KCNQ5: variants seen among roughly 807,000 people sequenced by gnomAD.
The protein encoded by KCNQ5 is potassium voltage-gated channel subfamily KQT member 5.
Under a neutral mutation model 98.2 loss-of-function variants are expected in KCNQ5, and 30 were observed. The observed-to-expected ratio is 0.31, with a 90% CI of 0.23 to 0.41. KCNQ5 has a LOEUF of 0.41. Among genes scored for constraint, KCNQ5 ranks in the 10% least tolerant of loss-of-function variants. The pLI is 1.00. For missense variants in KCNQ5, 835 were observed against 1,182.5 expected, an observed-to-expected ratio of 0.71 and a Z score of 4.31; for synonymous variants, 458 against 449.4, an observed-to-expected ratio of 1.02 and a Z score of -0.24.
At chr6:72,763,138 T>C (rs924081571) in intron 1 of KCNQ5, among the ~76,000 whole-genome samples, 2 of 152,028 alleles carry the variant, frequency 1.3e-5, no homozygotes, top group African/African-American at 2.4e-5. Flanking sequence ...TTCACTTTCA[T>C]ATAAAGATAT....
chr6:72,804,007 T>C lies in KCNQ5; in HGVS notation c.398+181420T>C, dbSNP rs565426453. The stretch of plus-strand genomic sequence containing the variant: ...ATATAGATTGATATAAACTTGTGCA[T>C]TTATATAAACTTACATGTCACCATT... On this transcript the variant is annotated intron_variant, in intron 1 of 13. Transcript: ENST00000370398. Among the ~76,000 whole-genome samples, 319 of 152,240 alleles carry C rather than the reference T, an allele frequency of 2.1e-3. 3 individuals are homozygous for C. The highest frequency in any genetic ancestry group is 7.4e-3 in the African/African-American group (306 of 41,568).
Position 72,721,640 on chromosome 6 carries a change from C to T in KCNQ5, c.398+99053C>T, listed in dbSNP as rs56197327. On this transcript the variant is annotated intron_variant, in intron 1 of 13. Coordinates refer to ENST00000370398, the MANE Select transcript of KCNQ5 (RefSeq NM_019842.4). The stretch of plus-strand genomic sequence containing the variant: ...TCACAGATCCAGTGATGAAGAGGCC[C>T]AGGAACCTCTGTGTTATAACAAACA... Among the ~76,000 whole-genome samples, 985 of 152,210 alleles carry T rather than the reference C, an allele frequency of 6.5e-3. 9 individuals carry two copies. The highest frequency in any genetic ancestry group is 0.022 in the African/African-American group (929 of 41,522).
At chr6:73,085,837 G>A (rs990415772) in intron 5 of KCNQ5, among the ~76,000 whole-genome samples, 54 of 152,308 alleles carry the variant, frequency 3.5e-4, no homozygotes, top group African/African-American at 1.3e-3. Flanking sequence ...TGAGCACTGG[G>A]CCGAGCAAAT....
chr6:72,730,070 T>C (rs1207465380), intron 1 of KCNQ5, among the ~76,000 whole-genome samples: 51 of 152,100 alleles, frequency 3.4e-4, no homozygotes, highest in Non-Finnish European at 2.6e-4. Flanking sequence ...GGTGGAACGA[T>C]CACTTGAGCT....
At chr6:72,964,195 G>A (rs1335537874) in intron 1 of KCNQ5, among the ~76,000 whole-genome samples, 5 of 152,148 alleles carry the variant, frequency 3.3e-5, no homozygotes, top group South Asian at 2.1e-4. Flanking sequence ...CTCAGTAAAC[G>A]TAATTGTGCC....
intron 1 of KCNQ5, among the ~76,000 whole-genome samples, chr6:73,002,351 A>G (rs1054645474): frequency 6.6e-5 from 10 of 152,158 alleles, no homozygotes; most frequent in African/African-American, 2.4e-4. Context: ...GGCTTAGACT[A>G]CACAGTGCTT....
intron 7 of KCNQ5, among the ~76,000 whole-genome samples, chr6:73,119,471 A>G (rs1187404606): frequency 6.6e-6 from 1 of 152,246 alleles, no homozygotes; most frequent in South Asian, 2.1e-4. Flanking sequence ...AAATGGAGAG[A>G]GTTGATGTTT....
At chr6:72,882,345 G>A (rs942960127) in intron 1 of KCNQ5, among the ~76,000 whole-genome samples, 2 of 152,196 alleles carry the variant, frequency 1.3e-5, no homozygotes, top group Non-Finnish European at 1.5e-5. Context: ...GATGTGGGTG[G>A]TTCTAAGATT....
At chr6:72,893,642 C>T (rs933471207) in intron 1 of KCNQ5, among the ~76,000 whole-genome samples, 1 of 152,190 alleles carries the variant, frequency 6.6e-6, no homozygotes, top group African/African-American at 2.4e-5. Flanking sequence ...AATTTGTTCT[C>T]CTGGTAATAA....
intron 2 of KCNQ5, among the ~76,000 whole-genome samples, chr6:73,015,229 A>T (rs1231191699): frequency 1.3e-5 from 2 of 152,116 alleles, no homozygotes; most frequent in Non-Finnish European, 2.9e-5. Context: ...CCCAATGAAC[A>T]TTGAAAACTG....
At chr6:72,765,607 T>C (rs1187021959) in intron 1 of KCNQ5, among the ~76,000 whole-genome samples, 5 of 151,994 alleles carry the variant, frequency 3.3e-5, no homozygotes, top group African/African-American at 1.2e-4. Flanking sequence ...TGAGGATCAG[T>C]ATGGCTGAAA....
chr6:72,982,068 C>G (rs112731151), intron 1 of KCNQ5, among the ~76,000 whole-genome samples: 197 of 152,308 alleles, frequency 1.3e-3, no homozygotes, highest in African/African-American at 4.5e-3. Context: ...GAGTGCTTTA[C>G]TTCCAACTCT....
At chr6:72,885,243 A>G (rs1219558754) in intron 1 of KCNQ5, among the ~76,000 whole-genome samples, 2 of 152,234 alleles carry the variant, frequency 1.3e-5, no homozygotes, top group African/African-American at 4.8e-5. Context: ...TTCATACATC[A>G]GTGCATTAGT....
chr6:72,757,957 G>C (rs184985301), intron 1 of KCNQ5, among the ~76,000 whole-genome samples: 1 of 152,182 alleles, frequency 6.6e-6, no homozygotes, highest in Admixed American at 6.6e-5. Context: ...GCATGAAGCA[G>C]AGACTTCAGT....
At chr6:72,831,577 C>T (rs1215586197) in intron 1 of KCNQ5, among the ~76,000 whole-genome samples, 3 of 93,320 alleles carry the variant, frequency 3.2e-5, no homozygotes, top group African/African-American at 8.7e-5. Context: ...CGGGGCCTGT[C>T]GTGGGATGCA....
At chr6:72,846,050 A>G (rs2796006) in intron 1 of KCNQ5, among the ~76,000 whole-genome samples, 150,806 of 152,252 alleles carry the variant, frequency 0.99, 74,704 homozygotes, top group East Asian at 1. Context: ...TTTGTACTCA[A>G]CCACTCTGCT....
At chr6:73,156,159 G>T (rs1365776077) in intron 10 of KCNQ5, among the ~76,000 whole-genome samples, 1 of 152,166 alleles carries the variant, frequency 6.6e-6, no homozygotes, top group African/African-American at 2.4e-5. Flanking sequence ...GTGGCAGGGG[G>T]TGAGTAATTT....
chr6:73,075,033 A>G (rs1047480588), intron 3 of KCNQ5, among the ~76,000 whole-genome samples: 7 of 152,326 alleles, frequency 4.6e-5, no homozygotes, highest in Middle Eastern at 3.4e-3. Flanking sequence ...CAACATGATG[A>G]AAACCAAGAG....
intron 1 of KCNQ5, among the ~76,000 whole-genome samples, chr6:72,651,594 G>A (rs757281454): frequency 1.7e-4 from 26 of 151,894 alleles, no homozygotes; most frequent in Non-Finnish European, 2.9e-4. Flanking sequence ...CTATTATTTC[G>A]TTGAGATGAC....
Sources: allele counts gnomAD v4.1 joint callset (sites outside exome capture counted in the v4.1 genomes callset), GRCh38; gene constraint gnomAD v4.1.1; transcripts MANE v1.5; gene names NCBI Gene and HGNC (gene_info 2026-07-23, HGNC 2026-07-21).